SHISA6: variants seen among roughly 807,000 people sequenced by gnomAD.
SHISA6 encodes protein shisa-6.
SHISA6 carries 22 observed loss-of-function variants against 47.9 expected under a neutral mutation model. The observed-to-expected ratio is 0.46, with a 90% CI of 0.33 to 0.66. The LOEUF (loss-of-function observed/expected upper bound fraction) is 0.66, where lower values mean the gene tolerates loss of function less well. Among genes scored for constraint, SHISA6 ranks in the 30% least tolerant of loss-of-function variants. SHISA6 has a pLI of 0.02. For missense variants in SHISA6, 680 were observed against 764.6 expected (o/e 0.89, Z 1.30); for synonymous variants, 388 against 337.8 (o/e 1.15, Z -1.63).
At chr17:11,382,828 A>G (rs1913058099) in intron 3 of SHISA6, among the ~76,000 whole-genome samples, 1 of 151,948 alleles carries the variant, frequency 6.6e-6, no homozygotes, top group African/African-American at 2.4e-5. Flanking sequence ...TGTATTTCTA[A>G]TCAGACTCTG....
At chr17:11,267,539 G>A (rs1411976970) in intron 2 of SHISA6, among the ~76,000 whole-genome samples, 3 of 152,182 alleles carry the variant, frequency 2.0e-5, no homozygotes, top group South Asian at 4.1e-4. Flanking sequence ...GTAGGACCTG[G>A]CATTGATATT....
chr17:11,356,179 G>A (rs551165926), intron 2 of SHISA6, among the ~76,000 whole-genome samples: 2 of 152,318 alleles, frequency 1.3e-5, no homozygotes, highest in African/African-American at 4.8e-5. Flanking sequence ...GCAAACCATT[G>A]ACAATTTCCC....
At chr17:11,386,766 C>G (rs62061047) in intron 3 of SHISA6, among the ~76,000 whole-genome samples, 52,463 of 152,078 alleles carry the variant, frequency 0.34, 9,363 homozygotes, top group Middle Eastern at 0.42. Context: ...ATAGGCCACA[C>G]GGCCACAGGT....
intron 1 of SHISA6, among the ~76,000 whole-genome samples, chr17:11,243,837 A>G (rs1353382245): frequency 1.3e-5 from 2 of 152,072 alleles, no homozygotes; most frequent in Admixed American, 6.5e-5. Context: ...GTTGATTCCT[A>G]CACATCTTTC....
intron 1 of SHISA6, among the ~76,000 whole-genome samples, chr17:11,256,872 C>G (rs1218759899): frequency 2.0e-5 from 3 of 152,228 alleles, no homozygotes; most frequent in Admixed American, 6.5e-5. Flanking sequence ...TACTCTCTAC[C>G]TGGCTCCCGG....
rs1395694552 is a variant in SHISA6 at position 11,241,606 on chromosome 17, G to A, written c.184G>A (p.Ala62Thr). Residue 62 changes from alanine to threonine, a missense_variant, in exon 1 of 6, where the codon GCC (alanine) becomes ACC (threonine). Coordinates refer to ENST00000441885, the MANE Select transcript of SHISA6 (RefSeq NM_207386.4). This position sits in a 1 kb window ranked among gnomAD's most constrained non-coding sequence, Gnocchi z 5.5. ...GGGCGGCCGCGAGCTGAACGGCACC[G>A]CCCGGGCGCCCGGAATCCCGGAGGC... ...ARGGRELNGT[A>T]RAPGIPEAGS... 19 of 1,296,380 alleles carry A rather than the reference G, an allele frequency of 1.5e-5. No homozygotes were observed. The highest frequency in any genetic ancestry group is 3.2e-5 in the African/African-American group (2 of 63,136). The allele number at this position is 1,296,380 out of a possible 1,614,324, so 80.3% of individuals were successfully genotyped here. A position where few individuals can be genotyped will look rare whatever the true frequency, so the allele number is the denominator to read the frequency against.
intron 2 of SHISA6, among the ~76,000 whole-genome samples, chr17:11,350,182 A>ATTTATTTATT (rs964679787): frequency 1.7e-5 from 2 of 116,270 alleles, no homozygotes; most frequent in East Asian, 5.5e-4. Flanking sequence ...TTATTTATTT[A>ATTTATTTATT]TTTTTTTTTT....
At chr17:11,281,983 G>GT (rs888667376) in intron 2 of SHISA6, among the ~76,000 whole-genome samples, 20 of 151,770 alleles carry the variant, frequency 1.3e-4, no homozygotes, top group Middle Eastern at 3.4e-3. Context: ...ATGCATAAAA[G>GT]TTTTTTTTTC....
chr17:11,450,331 T>C (rs1376062797), intron 3 of SHISA6, among the ~76,000 whole-genome samples: 1 of 152,076 alleles, frequency 6.6e-6, no homozygotes, highest in Non-Finnish European at 1.5e-5. Context: ...CTTCAACATA[T>C]CTTCTTGGAG....
intron 1 of SHISA6, among the ~76,000 whole-genome samples, chr17:11,257,972 C>T (rs1158597452): frequency 1.3e-5 from 2 of 152,130 alleles, no homozygotes; most frequent in Non-Finnish European, 2.9e-5. Flanking sequence ...AGACTGATGG[C>T]CCTCTTGTGA....
At chr17:11,376,774 A>G (rs1912816512) in intron 2 of SHISA6, among the ~76,000 whole-genome samples, 1 of 152,198 alleles carries the variant, frequency 6.6e-6, no homozygotes. Context: ...ATAGTGGTTC[A>G]TGAAGAGTTG....
chr17:11,354,759 C>G (rs1468237373), intron 2 of SHISA6, among the ~76,000 whole-genome samples: 1 of 152,142 alleles, frequency 6.6e-6, no homozygotes, highest in Non-Finnish European at 1.5e-5. Context: ...CACCCCCTAT[C>G]CTCAGTCAGT....
intron 3 of SHISA6, among the ~76,000 whole-genome samples, chr17:11,438,591 A>G (rs1915007599): frequency 1.3e-5 from 2 of 152,272 alleles, no homozygotes; most frequent in South Asian, 4.1e-4. Flanking sequence ...TGTGTCTTAT[A>G]AGGACACCAG....
intron 3 of SHISA6, among the ~76,000 whole-genome samples, chr17:11,391,935 T>C (rs983817437): frequency 2.0e-5 from 3 of 152,196 alleles, no homozygotes; most frequent in Non-Finnish European, 2.9e-5. Context: ...GGACCATTCA[T>C]ATCCTTGTTT....
In SHISA6 at chr17:11,242,792, C is replaced by T. The variant is rs1158416867; in HGVS notation, c.638+732C>T. Among the ~76,000 whole-genome samples, 4 of 152,172 alleles carry T rather than the reference C, an allele frequency of 2.6e-5. No homozygotes were observed. In the East Asian group the frequency reaches 7.7e-4, roughly 29 times the overall value. On this transcript the variant is annotated intron_variant, in intron 1 of 5. Coordinates refer to ENST00000441885, the MANE Select transcript of SHISA6 (RefSeq NM_207386.4). ...GAAAGACAGTGGGAGCTGCCTCCTA[C>T]CAAAACTTACGCCAAGAGCTCAAAC...
At chr17:11,425,625 A>T (rs1336791035) in intron 3 of SHISA6, among the ~76,000 whole-genome samples, 1 of 152,234 alleles carries the variant, frequency 6.6e-6, no homozygotes, top group Non-Finnish European at 1.5e-5. Flanking sequence ...GGTTTATATA[A>T]GATGAAAACC....
intron 3 of SHISA6, among the ~76,000 whole-genome samples, chr17:11,418,041 C>A (rs543960335): frequency 3.7e-4 from 57 of 152,188 alleles, no homozygotes; most frequent in Non-Finnish European, 6.5e-4. Flanking sequence ...GTGGAATACA[C>A]CTCACATGTG....
At chr17:11,535,514 G>A (rs988005551) in intron 3 of SHISA6, among the ~76,000 whole-genome samples, 1 of 152,128 alleles carries the variant, frequency 6.6e-6, no homozygotes, top group Non-Finnish European at 1.5e-5. Flanking sequence ...GGGTTTTTAG[G>A]GTGAGTGTAA....
chr17:11,322,857 G>A (rs1206442649), intron 2 of SHISA6, among the ~76,000 whole-genome samples: 2 of 152,178 alleles, frequency 1.3e-5, no homozygotes, highest in Non-Finnish European at 2.9e-5. Context: ...ACATTGGGTG[G>A]GGGATGGAAG....
Sources: allele counts gnomAD v4.1 joint callset (sites outside exome capture counted in the v4.1 genomes callset), GRCh38; gene constraint gnomAD v4.1.1; non-coding constraint Gnocchi (gnomAD v3.1); transcripts MANE v1.5; gene names NCBI Gene and HGNC (gene_info 2026-07-23, HGNC 2026-07-21).